Variants in LRP2 observed in about 807,000 individuals in gnomAD.
The protein encoded by LRP2 is LDL receptor related protein 2, also known as low-density lipoprotein receptor-related protein 2.
A neutral mutation model predicts 531.0 loss-of-function variants in LRP2; 172 were observed. The ratio of observed to expected loss-of-function variants is 0.32; its 90% CI spans 0.29 to 0.37. The LOEUF is 0.37. LRP2 is among the 10% of genes least tolerant of loss of function. The pLI, the probability that LRP2 is intolerant of heterozygous loss-of-function variation, is 1.00. For missense variants in LRP2, 5,167 were observed against 5,868.3 expected (o/e 0.88, Z 3.90); for synonymous variants, 1,992 against 2,027.6 (o/e 0.98, Z 0.47).
chr2:169,298,565 G>T (rs1015893705), intron 4 of LRP2, among the ~76,000 whole-genome samples: 8 of 151,926 alleles, frequency 5.3e-5, no homozygotes, highest in Admixed American at 6.6e-5. Flanking sequence ...AATGGTAATA[G>T]AAAATTCTTA....
In LRP2 at chr2:169,145,875, A is replaced by G. The variant is rs1447814869; in HGVS notation, c.12860T>C (p.Ile4287Thr). The G allele has an allele frequency of 3.1e-6, 5 of 1,614,028 alleles. No individual in the cohort carries two copies. The East Asian group carries it at 1.1e-4, about 36-fold the overall frequency. The change falls in exon 70 of 79, where the codon ATA becomes ACA. Residue 4287 changes from isoleucine (I) to threonine (T), a missense_variant. Around this residue, in one of 6 missense-constraint regions of LRP2, gnomAD observed 564 missense variants for 747.7 expected, o/e 0.75. Coordinates refer to ENST00000649046, the MANE Select transcript of LRP2 (RefSeq NM_004525.3). ...LDIFEDQLYW[I>T]SKEKGEVWKQ... ...CCATACTTCTCCCTTTTCCTTAGAT[A>G]TCCAGTATAACTGGTCTTCAAAGAT...
At chr2:169,339,106 G>A (rs1685496356) in intron 1 of LRP2, among the ~76,000 whole-genome samples, 1 of 127,406 alleles carries the variant, frequency 7.8e-6, no homozygotes, top group Non-Finnish European at 1.7e-5. Context: ...AATTCTACAG[G>A]GTTTTTTTTT....
chr2:169,140,439 C>G lies in LRP2; in HGVS notation c.13199+16G>C, dbSNP rs1348073446. ...GAGGCAAGGCCTATAGCTGGGACCT[C>G]AACATTCAGACTTACTTGCATTTGG... On this transcript the variant is annotated intron_variant, in intron 72 of 78. Coordinates refer to ENST00000649046, the MANE Select transcript of LRP2 (RefSeq NM_004525.3). 1.2e-6 allele frequency: 2 copies of G among 1,609,480 alleles called. No individual in the cohort carries two copies. Among genetic ancestry groups the G allele is most frequent in the South Asian group, 2.2e-5 (2 of 90,986 alleles).
intron 13 of LRP2, among the ~76,000 whole-genome samples, chr2:169,276,095 A>C (rs1262554429): frequency 2.6e-5 from 4 of 152,164 alleles, no homozygotes; most frequent in Admixed American, 2.6e-4. Flanking sequence ...AGACTTGAAG[A>C]TATTAAAGCT....
chr2:169,268,946 C>T lies in LRP2; in HGVS notation c.2320+1958G>A, dbSNP rs528590311. Reference sequence around the variant, plus strand: ...CAATGTGCAAAAATCACAAGCATTCCTATACACCAATAACAGACAAACAGA... The same window carrying T: ...CAATGTGCAAAAATCACAAGCATTCTTATACACCAATAACAGACAAACAGA... On this transcript the variant is annotated intron_variant, in intron 16 of 78. Coordinates refer to ENST00000649046, the MANE Select transcript of LRP2 (RefSeq NM_004525.3). Among the ~76,000 whole-genome samples, 1,248 of 152,066 alleles carry T rather than the reference C, an allele frequency of 8.2e-3. 23 individuals carry two copies. Among genetic ancestry groups the T allele is most frequent in the African/African-American group, 0.029 (1,193 of 41,488 alleles).
chr2:169,219,573 T>C (rs981154234), intron 34 of LRP2, among the ~76,000 whole-genome samples: 6 of 152,138 alleles, frequency 3.9e-5, no homozygotes, highest in South Asian at 2.1e-4. Context: ...TTCCTCAGGA[T>C]TCCTTGCTAG....
At chr2:169,202,415 A>T (rs1688233431) in intron 43 of LRP2, among the ~76,000 whole-genome samples, 1 of 152,184 alleles carries the variant, frequency 6.6e-6, no homozygotes, top group Non-Finnish European at 1.5e-5. Flanking sequence ...GCCTCATGCT[A>T]AGGGATTTTT....
intron 7 of LRP2, among the ~76,000 whole-genome samples, chr2:169,291,661 C>G (rs74775934): frequency 4.0e-5 from 6 of 151,704 alleles, no homozygotes; most frequent in Non-Finnish European, 8.8e-5. Context: ...TTCCTTCTCA[C>G]GGAATCTTTA....
chr2:169,136,322 A>T (rs1478079032), intron 76 of LRP2, among the ~76,000 whole-genome samples: 3 of 150,248 alleles, frequency 2.0e-5, no homozygotes, highest in African/African-American at 4.9e-5. Context: ...CCCCCCAAAA[A>T]TTTTTTTCTT....
intron 52 of LRP2, among the ~76,000 whole-genome samples, chr2:169,179,694 T>G (rs1687353715): frequency 6.7e-6 from 1 of 148,812 alleles, no homozygotes; most frequent in East Asian, 2.0e-4. Flanking sequence ...CACTTCAGCC[T>G]GGGCAACAAG....
chr2:169,306,127 C>T (rs1481239499), intron 4 of LRP2, among the ~76,000 whole-genome samples: 1 of 151,576 alleles, frequency 6.6e-6, no homozygotes, highest in Non-Finnish European at 1.5e-5. Context: ...CAGGACTGCA[C>T]GAAAAGGCCT....
intron 1 of LRP2, among the ~76,000 whole-genome samples, chr2:169,340,723 T>TC (rs1685539753): frequency 6.6e-6 from 1 of 152,130 alleles, no homozygotes; most frequent in Admixed American, 6.6e-5. Context: ...AGACCAGCCT[T>TC]CCACTGCTGG....
chr2:169,238,183 C>G lies in LRP2; in HGVS notation c.4414G>C (p.Asp1472His). 6.2e-7 allele frequency: 1 copy of G among 1,614,140 alleles called. No homozygotes were observed. The highest frequency in any genetic ancestry group is 8.5e-7 in the Non-Finnish European group (1 of 1,179,986). ...VENGSYIVAV[D>H]FDSISGRIFW... ...ATACGACCACTAATTGAATCAAAAT[C>G]AACAGCTACAATGTAAGAACCATTC... Residue 1472 changes from aspartate to histidine, a missense_variant, in exon 27 of 79, where the codon GAT becomes CAT. Physicochemically the swap from Asp to His is moderately conservative, Grantham distance 81. This residue lies in a region of LRP2 where 2,811 missense variants were observed against 3,058.0 expected (regional missense o/e 0.92). Coordinates refer to ENST00000649046, the MANE Select transcript of LRP2 (RefSeq NM_004525.3).
At position 169,198,816 on chromosome 2, in the gene LRP2, C is replaced by T; in HGVS notation, c.8548G>A (p.Asp2850Asn). The T allele has an allele frequency of 6.2e-7, 1 of 1,613,946 alleles. No individual in the cohort carries two copies. Residue 2850 changes from aspartate (D) to asparagine (N), a missense_variant, in exon 45 of 79, where the codon GAT (aspartate) becomes AAT (asparagine). Transcript: ENST00000649046. ...TAAGTAGGGTTTTCATCACTGTTAT[C>T]TCCACAGTCATTGTCTCCGTCACAC... Reference protein sequence around the residue: ...YLCDGDNDCGDNSDENPTYCT... With the variant: ...YLCDGDNDCGNNSDENPTYCT...
chr2:169,267,215 A>C (rs1381032097), intron 16 of LRP2, among the ~76,000 whole-genome samples: 4 of 152,168 alleles, frequency 2.6e-5, no homozygotes, highest in South Asian at 4.2e-4. Context: ...AAAAGCAATA[A>C]ATTTATTTTC....
chr2:169,268,118 C>A (rs978542344), intron 16 of LRP2, among the ~76,000 whole-genome samples: 1 of 152,126 alleles, frequency 6.6e-6, no homozygotes, highest in Admixed American at 6.5e-5. Flanking sequence ...TAATTAATAG[C>A]CTACCAACCC....
chr2:169,211,805 A>T (rs2105340452), intron 37 of LRP2, among the ~76,000 whole-genome samples, 163 bp downstream of exon 37: 1 of 152,342 alleles, frequency 6.6e-6, no homozygotes, highest in South Asian at 2.1e-4. Flanking sequence ...TCTGAGACAC[A>T]CTAAAGTTTG....
chr2:169,287,866 T>A (rs1683901288), intron 9 of LRP2, among the ~76,000 whole-genome samples: 2 of 125,306 alleles, frequency 1.6e-5, no homozygotes, highest in South Asian at 2.7e-4. Context: ...TATTAAAATT[T>A]TAATATTTTA....
intron 1 of LRP2, among the ~76,000 whole-genome samples, chr2:169,324,007 CT>C (rs1295998012): frequency 6.6e-6 from 1 of 152,162 alleles, no homozygotes; most frequent in East Asian, 1.9e-4. Context: ...GCACTAGCCC[CT>C]GTCTGTCCCA....
Sources: gnomAD v4.1 joint callset for allele counts (sites outside exome capture counted in the v4.1 genomes callset) on GRCh38, gnomAD v4.1.1 for gene constraint, gnomAD v4.1.1 regional missense constraint, MANE v1.5 for transcripts, NCBI Gene and HGNC (gene_info 2026-07-23, HGNC 2026-07-21) for gene names.